Variants in BMPR1B observed in about 807,000 individuals in gnomAD.
The protein encoded by BMPR1B is bone morphogenetic protein receptor type-1B.
A neutral mutation model predicts 59.1 loss-of-function variants in BMPR1B; 12 were observed. That is an observed-to-expected ratio of 0.20 (90% CI 0.13 to 0.33). BMPR1B has a LOEUF of 0.33. BMPR1B is among the 10% of genes least tolerant of loss of function. The pLI is 1.00. For synonymous variants in BMPR1B, 237 were observed against 207.3 expected (o/e 1.14, Z -1.23); for missense variants, 550 against 610.9 (o/e 0.90, Z 1.05).
rs376913841 is a variant in BMPR1B, at chr4:95,114,703, G to T, written c.144-17G>T. Reference sequence around the variant, plus strand: ...ACACACACATTCTGTTTCTCACTTTGCTTGTTTGATCTTCAGCACAGACGG... The same window carrying T: ...ACACACACATTCTGTTTCTCACTTTTCTTGTTTGATCTTCAGCACAGACGG... On this transcript the variant is annotated splice_polypyrimidine_tract_variant and intron_variant, in intron 4 of 12. Coordinates refer to ENST00000515059, the MANE Select transcript of BMPR1B (RefSeq NM_001203.3). The T allele has an allele frequency of 5.0e-6, 8 of 1,595,164 alleles. 1 individual carries two copies. In the African/African-American group the frequency reaches 9.4e-5, roughly 19 times the overall value.
intron 2 of BMPR1B, among the ~76,000 whole-genome samples, chr4:94,989,343 TG>T (rs1317925907): frequency 6.6e-6 from 1 of 150,526 alleles, no homozygotes; most frequent in Non-Finnish European, 1.5e-5. Context: ...GAGCTGAGAT[TG>T]TGCTACTGCA....
intron 4 of BMPR1B, among the ~76,000 whole-genome samples, chr4:95,108,737 C>G (rs974689293): frequency 6.6e-6 from 1 of 152,004 alleles, no homozygotes; most frequent in South Asian, 2.1e-4. Flanking sequence ...AGTAATAGAG[C>G]CTTTTTTATA....
intron 1 of BMPR1B, among the ~76,000 whole-genome samples, chr4:94,810,277 C>G (rs1399190157): frequency 6.6e-6 from 1 of 152,168 alleles, no homozygotes; most frequent in Non-Finnish European, 1.5e-5. Flanking sequence ...TATATCCTGT[C>G]TTTGGTGAGT....
intron 1 of BMPR1B, among the ~76,000 whole-genome samples, chr4:94,819,339 C>T (rs1009243476): frequency 2.6e-5 from 4 of 152,166 alleles, no homozygotes; most frequent in South Asian, 2.1e-4. Context: ...CCGATTCTCT[C>T]AGAGTGCTGT....
intron 3 of BMPR1B, among the ~76,000 whole-genome samples, chr4:95,022,913 T>A (rs893253568): frequency 8.5e-5 from 13 of 152,174 alleles, no homozygotes; most frequent in African/African-American, 3.1e-4. Context: ...AAGACTGTGC[T>A]GTGGATCACC....
At chr4:95,014,813 G>A (rs1723473153) in intron 3 of BMPR1B, among the ~76,000 whole-genome samples, 1 of 152,134 alleles carries the variant, frequency 6.6e-6, no homozygotes, top group Non-Finnish European at 1.5e-5. Flanking sequence ...TTTTTGAGAT[G>A]TCGTTATTTC....
At chr4:94,890,114 A>G (rs1039989617) in intron 2 of BMPR1B, among the ~76,000 whole-genome samples, 1 of 152,084 alleles carries the variant, frequency 6.6e-6, no homozygotes, top group South Asian at 2.1e-4. Flanking sequence ...CCAAGCCTAC[A>G]GTTAATGTGG....
chr4:94,993,290 C>G (rs1179848146), intron 2 of BMPR1B, among the ~76,000 whole-genome samples: 1 of 152,064 alleles, frequency 6.6e-6, no homozygotes, highest in Non-Finnish European at 1.5e-5. Flanking sequence ...TCTACATAAA[C>G]TCTTTATTAA....
At chr4:94,968,250 T>C (rs989659535) in intron 2 of BMPR1B, among the ~76,000 whole-genome samples, 23 of 152,310 alleles carry the variant, frequency 1.5e-4, no homozygotes, top group Middle Eastern at 3.4e-3. Flanking sequence ...TGGCTGCATC[T>C]GCCTCCTGTC....
At chr4:94,762,852 G>GT (rs1323608474) in intron 1 of BMPR1B, among the ~76,000 whole-genome samples, 1 of 135,334 alleles carries the variant, frequency 7.4e-6, no homozygotes. Context: ...TGAATCATCA[G>GT]TTTTTGTTTT....
intron 3 of BMPR1B, among the ~76,000 whole-genome samples, chr4:95,058,219 GTTCA>G (rs1222708696): frequency 6.6e-6 from 1 of 152,100 alleles, no homozygotes; most frequent in Non-Finnish European, 1.5e-5. Flanking sequence ...GTTATACATC[GTTCA>G]TTCAATCAGA....
intron 1 of BMPR1B, among the ~76,000 whole-genome samples, chr4:94,821,259 C>G (rs969632075): frequency 6.6e-6 from 1 of 152,104 alleles, no homozygotes; most frequent in African/African-American, 2.4e-5. Flanking sequence ...TTGCAGCCTA[C>G]TAATTGAAAA....
chr4:94,966,667 C>A (rs528551623), intron 2 of BMPR1B, among the ~76,000 whole-genome samples: 1 of 152,292 alleles, frequency 6.6e-6, no homozygotes, highest in South Asian at 2.1e-4. Flanking sequence ...TGGGGAATTG[C>A]ATAGCCTTCA....
At chr4:95,109,903 T>C (rs1247227163) in intron 4 of BMPR1B, among the ~76,000 whole-genome samples, 6 of 133,612 alleles carry the variant, frequency 4.5e-5, no homozygotes, top group Admixed American at 4.0e-4. Flanking sequence ...ATGTTCCCCT[T>C]CCTGTGTCCA....
At chr4:94,975,371 T>C (rs1245985028) in intron 2 of BMPR1B, among the ~76,000 whole-genome samples, 1 of 145,354 alleles carries the variant, frequency 6.9e-6, no homozygotes, top group African/African-American at 2.5e-5. Flanking sequence ...TTGTTTTTTT[T>C]TTTTTTTTTT....
At chr4:95,037,393 T>G (rs1725337395) in intron 3 of BMPR1B, among the ~76,000 whole-genome samples, 2 of 152,166 alleles carry the variant, frequency 1.3e-5, no homozygotes, top group South Asian at 4.1e-4. Context: ...GCCCTGATAT[T>G]ACTAGGGAAC....
intron 8 of BMPR1B, 109 bp from the exon 9 acceptor site, chr4:95,129,753 T>G: frequency 9.6e-7 from 1 of 1,039,998 alleles, no homozygotes; most frequent in Non-Finnish European, 1.4e-6. Flanking sequence ...AGAAAAATAC[T>G]AGCTAAATAT....
intron 10 of BMPR1B, among the ~76,000 whole-genome samples, chr4:95,138,487 T>C (rs1733972597): frequency 6.6e-6 from 1 of 152,214 alleles, no homozygotes. Flanking sequence ...TCCTGGATAA[T>C]GTCCTGAAGA....
intron 2 of BMPR1B, among the ~76,000 whole-genome samples, chr4:94,985,262 G>A (rs1213753201): frequency 6.6e-6 from 1 of 152,034 alleles, no homozygotes; most frequent in Admixed American, 6.6e-5. Context: ...GGAAAGTGGT[G>A]CCAGGGAGAC....
Sources: allele counts gnomAD v4.1 joint callset (sites outside exome capture counted in the v4.1 genomes callset), GRCh38; gene constraint gnomAD v4.1.1; transcripts MANE v1.5; gene names NCBI Gene and HGNC (gene_info 2026-07-23, HGNC 2026-07-21).